Variants in KIF24 observed in about 807,000 individuals in gnomAD.
The protein encoded by KIF24 is kinesin-like protein KIF24.
A neutral mutation model predicts 118.9 loss-of-function variants in KIF24; 81 were observed. The observed-to-expected ratio is 0.68, with a 90% CI of 0.57 to 0.82. The LOEUF (loss-of-function observed/expected upper bound fraction) is 0.82, where lower values mean the gene tolerates loss of function less well. Among genes scored for constraint, KIF24 ranks in the 40% least tolerant of loss-of-function variants. The pLI is 0.00. For missense variants in KIF24, 1,560 were observed against 1,661.6 expected, an observed-to-expected ratio of 0.94 and a Z score of 1.06; for synonymous variants, 599 against 610.0, an observed-to-expected ratio of 0.98 and a Z score of 0.27.
In KIF24 at chr9:34,306,299, C is replaced by T. The variant is rs745336608; in HGVS notation, c.766G>A (p.Val256Met). The change falls in exon 3 of 13, where the codon GTG becomes ATG. Residue 256 changes from valine (V) to methionine (M), a missense_variant. Physicochemically the swap from Val to Met is conservative, Grantham distance 21. Coordinates refer to ENST00000402558, the MANE Select transcript of KIF24 (RefSeq NM_194313.4). The stretch of plus-strand genomic sequence containing the variant: ...TCAACTGCTTCTTTCTTCTCATGCA[C>T]AAGTAGAGTTTCTTTGTCTTCTACA... ...ITVEDKETLL[V>M]HEKKEAVDLT... 1 of 1,611,004 alleles carries T rather than the reference C, an allele frequency of 6.2e-7. No homozygotes were observed. Among genetic ancestry groups the T allele is most frequent in the South Asian group, 1.1e-5 (1 of 90,674 alleles).
rs190395968 is a variant in KIF24 at position 34,270,191 on chromosome 9, A to G, written c.1338-829T>C. ...AGCCAAGATCACGCCACTACACTCC[A>G]GCCTGGCGACAGCAAGACTCCATCT... On this transcript the variant is annotated intron_variant, in intron 7 of 12. Transcript: ENST00000402558. 4.2e-3 allele frequency among the ~76,000 whole-genome samples: 620 copies of G among 148,626 alleles called. 5 individuals carry two copies. Among genetic ancestry groups the G allele is most frequent in the African/African-American group, 0.015 (585 of 40,146 alleles).
chr9:34,284,750 C>T (rs1835972356), intron 6 of KIF24, among the ~76,000 whole-genome samples: 1 of 152,148 alleles, frequency 6.6e-6, no homozygotes, highest in South Asian at 2.1e-4. Context: ...TGGAAAGTCA[C>T]ACAGGGGGTT....
In KIF24 at chr9:34,263,177, A is replaced by G. The variant is rs777546678; in HGVS notation, c.1444-5T>C. 2 of 1,611,054 alleles carry G rather than the reference A, an allele frequency of 1.2e-6. No individual in the cohort carries two copies. The highest frequency in any genetic ancestry group is 2.2e-5 in the East Asian group (1 of 44,872). ...TGCTCGGATACATTCCTTCAGCTGC[A>G]AAGTGGGAGAACAAGCACATCAAGT... On this transcript the variant is annotated splice_region_variant and splice_polypyrimidine_tract_variant and intron_variant, in intron 8 of 12. Coordinates refer to ENST00000402558, the MANE Select transcript of KIF24 (RefSeq NM_194313.4).
At chr9:34,319,374 C>T (rs1295415640) in intron 1 of KIF24, 2 of 877,932 alleles carry the variant, frequency 2.3e-6, no homozygotes, top group Non-Finnish European at 3.9e-6. Context: ...TAGGCTTGGC[C>T]TGACTGAGGC....
At chr9:34,321,649 C>T (rs1837529176) in intron 1 of KIF24, among the ~76,000 whole-genome samples, 1 of 148,746 alleles carries the variant, frequency 6.7e-6, no homozygotes, top group Non-Finnish European at 1.5e-5. Context: ...CTCTGTCGCC[C>T]AGGCTGGAGT....
At chr9:34,259,443 C>T (rs140109948) in intron 10 of KIF24, among the ~76,000 whole-genome samples, 153 bp downstream of exon 10, 10 of 152,344 alleles carry the variant, frequency 6.6e-5, no homozygotes, top group Non-Finnish European at 1.0e-4. Flanking sequence ...AAGGCTGTGG[C>T]GCTCAAGGTC....
At chr9:34,324,995 T>C (rs111393204) in intron 1 of KIF24, among the ~76,000 whole-genome samples, 2 of 152,096 alleles carry the variant, frequency 1.3e-5, no homozygotes, top group African/African-American at 4.8e-5. Context: ...ATGATAATTA[T>C]TTGATTATGT....
intron 2 of KIF24, among the ~76,000 whole-genome samples, chr9:34,308,019 G>A (rs1269131693): frequency 2.0e-5 from 3 of 152,184 alleles, no homozygotes; most frequent in African/African-American, 7.2e-5. Flanking sequence ...CACCCAGACT[G>A]GAGTGCAGTG....
At chr9:34,332,218 T>C (rs1837961319), upstream of KIF24, among the ~76,000 whole-genome samples, 1 of 152,232 alleles carries the variant, frequency 6.6e-6, no homozygotes, top group Admixed American at 6.5e-5. Context: ...TGAGATGTCA[T>C]TTTGTGCTTG....
chr9:34,289,578 C>A (rs1052031526), intron 5 of KIF24, among the ~76,000 whole-genome samples: 4 of 152,186 alleles, frequency 2.6e-5, no homozygotes, highest in African/African-American at 9.6e-5. Context: ...CAGTTTAAGT[C>A]ATCTGTTTCA....
chr9:34,277,045 T>C (rs1835682543), intron 6 of KIF24, among the ~76,000 whole-genome samples: 2 of 152,336 alleles, frequency 1.3e-5, no homozygotes, highest in Non-Finnish European at 1.5e-5. Flanking sequence ...TAGATTGGTA[T>C]CGTTCCTTTC....
chr9:34,286,750 G>A (rs1353084119), intron 5 of KIF24, 46 bp from the exon 6 acceptor site: 1 of 1,328,860 alleles, frequency 7.5e-7, no homozygotes, highest in Non-Finnish European at 1.1e-6. Context: ...TACTAAAACA[G>A]ACTTTGTTCT....
chr9:34,288,880 A>ACACACT, intron 5 of KIF24, among the ~76,000 whole-genome samples: 1 of 148,900 alleles, frequency 6.7e-6, no homozygotes, highest in African/African-American at 2.4e-5. Context: ...ACACACACAC[A>ACACACT]CACACACACA....
chr9:34,281,037 C>CT (rs978054809), intron 6 of KIF24, among the ~76,000 whole-genome samples: 3 of 152,228 alleles, frequency 2.0e-5, no homozygotes, highest in Non-Finnish European at 4.4e-5. Flanking sequence ...TCTCTTCTTT[C>CT]TTTTTTGAGA....
intron 2 of KIF24, among the ~76,000 whole-genome samples, chr9:34,309,988 A>G (rs1409472835): frequency 6.6e-6 from 1 of 150,558 alleles, no homozygotes. Flanking sequence ...TTTTTTTACA[A>G]GATTAAAAGA....
chr9:34,321,602 TC>T (rs1365261347), intron 1 of KIF24, among the ~76,000 whole-genome samples: 21 of 108,408 alleles, frequency 1.9e-4, no homozygotes, highest in Non-Finnish European at 4.0e-4. Flanking sequence ...ACATACTTCT[TC>T]TTTTTTTTTT....
chr9:34,272,398 G>A (rs1276570241), intron 6 of KIF24, among the ~76,000 whole-genome samples: 1 of 152,176 alleles, frequency 6.6e-6, no homozygotes, highest in African/African-American at 2.4e-5. Context: ...TGGAAGTGAT[G>A]AGTTACTGTA....
At chr9:34,308,975 G>A (rs552333321) in intron 2 of KIF24, among the ~76,000 whole-genome samples, 134 of 152,152 alleles carry the variant, frequency 8.8e-4, no homozygotes, top group African/African-American at 3.0e-3. Flanking sequence ...TAGCTACTTG[G>A]GTGGCTGAGG....
chr9:34,275,897 A>C (rs1835642597), intron 6 of KIF24, among the ~76,000 whole-genome samples: 1 of 152,160 alleles, frequency 6.6e-6, no homozygotes, highest in African/African-American at 2.4e-5. Flanking sequence ...GAATACAAAG[A>C]TTATCTCCAC....
Sources: allele counts gnomAD v4.1 joint callset (sites outside exome capture counted in the v4.1 genomes callset), GRCh38; gene constraint gnomAD v4.1.1; transcripts MANE v1.5; gene names NCBI Gene and HGNC (gene_info 2026-07-23, HGNC 2026-07-21).